The following CCDC186 variants were observed in gnomAD, a reference collection of about 807,000 sequenced individuals.
The protein encoded by CCDC186 is coiled-coil domain containing 186.
Under a neutral mutation model 113.7 loss-of-function variants are expected in CCDC186, and 49 were observed. That is an observed-to-expected ratio of 0.43 (90% CI 0.34 to 0.55). The LOEUF (loss-of-function observed/expected upper bound fraction) is 0.55, where lower values mean the gene tolerates loss of function less well. CCDC186 is among the 20% of genes least tolerant of loss of function. The pLI, the probability that CCDC186 is intolerant of heterozygous loss-of-function variation, is 0.02. For synonymous variants in CCDC186, 355 were observed against 345.8 expected (o/e 1.03, Z -0.30); for missense variants, 890 against 1,011.1 (o/e 0.88, Z 1.62).
chr10:114,123,740 C>CT lies in CCDC186; in HGVS notation c.*1402dup, dbSNP rs2030800815. ...CAGAAATATTGATACTACGGCAACA[C>CT]TTAAGTGTCTATCTTAAACACTGTA... is the stretch of plus-strand genomic sequence containing the variant. On this transcript the variant is annotated 3_prime_UTR_variant, in exon 16 of 16. Transcript: ENST00000369287. 6.6e-6 allele frequency: 1 copy of CT among 152,184 alleles called. No homozygotes were observed. The highest frequency in any genetic ancestry group is 2.4e-5 in the African/African-American group (1 of 41,442). The allele number at this position is 152,184 out of a possible 1,614,324, so 9.4% of individuals were successfully genotyped here.
At chr10:114,152,252 A>G (rs2031878206) in intron 3 of CCDC186, among the ~76,000 whole-genome samples, 1 of 151,960 alleles carries the variant, frequency 6.6e-6, no homozygotes, top group Non-Finnish European at 1.5e-5. Flanking sequence ...TGAGGCAGGA[A>G]GATTGCTAGA....
intron 6 of CCDC186, among the ~76,000 whole-genome samples, chr10:114,141,307 T>C (rs966725189): frequency 6.6e-5 from 10 of 152,222 alleles, no homozygotes; most frequent in Admixed American, 2.0e-4. Context: ...TTTATGCTTT[T>C]AGGTGCCAGA....
intron 6 of CCDC186, among the ~76,000 whole-genome samples, chr10:114,141,639 ACACACGCACGCACACACATACACG>A (rs1564909673): frequency 1.3e-5 from 2 of 152,016 alleles, no homozygotes; most frequent in Non-Finnish European, 2.9e-5. Flanking sequence ...ACACACACAC[ACACACGCACGCACACACATACACG>A]CACGCACGCA....
At chr10:114,136,524 A>C (rs2031267577) in intron 7 of CCDC186, among the ~76,000 whole-genome samples, 1 of 152,226 alleles carries the variant, frequency 6.6e-6, no homozygotes, top group Non-Finnish European at 1.5e-5. Flanking sequence ...AATGGGTTAA[A>C]GTTTTATACT....
intron 6 of CCDC186, among the ~76,000 whole-genome samples, chr10:114,141,714 A>C (rs1347669980): frequency 6.6e-6 from 1 of 151,852 alleles, no homozygotes; most frequent in African/African-American, 2.4e-5. Context: ...CTTGAAGGGA[A>C]CTCACTGCAC....
intron 9 of CCDC186, 45 bp from the exon 10 acceptor site, chr10:114,135,100 C>G (rs574585221): frequency 3.5e-5 from 54 of 1,541,082 alleles, no homozygotes; most frequent in Non-Finnish European, 4.6e-5. Context: ...TATTCTTGTT[C>G]TTTATAAACT....
rs1396178511 is a variant in CCDC186 at position 114,144,604 on chromosome 10, T to A, written c.1114A>T (p.Thr372Ser). 2 of 1,608,712 alleles carry A rather than the reference T, an allele frequency of 1.2e-6. No individual in the cohort carries two copies. The highest frequency in any genetic ancestry group is 1.7e-6 in the Non-Finnish European group (2 of 1,176,974). ...TTGTCTATTTCTCTGATGAGTCTAG[T>A]CGTTTCGCCTTCCTAAAATAATATC... ...QLYETKEGET[T>S]RLIREIDKLK... is the part of the protein sequence containing the mutation. The change falls in exon 6 of 16, where the codon ACT becomes TCT. Residue 372 changes from threonine to serine, a missense_variant. Transcript: ENST00000369287.
intron 10 of CCDC186, among the ~76,000 whole-genome samples, chr10:114,134,030 T>C (rs1338895678): frequency 2.0e-5 from 3 of 152,186 alleles, no homozygotes; most frequent in African/African-American, 4.8e-5. Flanking sequence ...ATGAAATCCA[T>C]AGCGGAAGTA....
chr10:114,121,990 T>G lies in CCDC186; in HGVS notation c.*3153A>C, dbSNP rs1166018552. ...CTGCATCTGGCTAATTTTTTAATCT[T>G]TTGTACACATGGGGTTTTGCCATGT... is the stretch of plus-strand genomic sequence containing the variant. On this transcript the variant is annotated 3_prime_UTR_variant, in exon 16 of 16. Transcript: ENST00000369287. 1 of 152,262 alleles carries G rather than the reference T, an allele frequency of 6.6e-6. No homozygotes were observed. Among genetic ancestry groups the G allele is most frequent in the East Asian group, 1.9e-4 (1 of 5,200 alleles). 9.4% of individuals were successfully genotyped at this position (152,262 alleles called of 1,614,324 possible).
intron 3 of CCDC186, 77 bp from the exon 4 acceptor site, chr10:114,151,297 A>G (rs956202508): frequency 2.6e-5 from 28 of 1,067,214 alleles, no homozygotes; most frequent in Non-Finnish European, 3.4e-5. Context: ...AAATATAAAC[A>G]AAGTAAATAA....
intron 6 of CCDC186, among the ~76,000 whole-genome samples, chr10:114,142,871 T>C (rs1174019761): frequency 6.6e-6 from 1 of 152,202 alleles, no homozygotes; most frequent in Non-Finnish European, 1.5e-5. Context: ...TAGACTATAA[T>C]AACCACATGA....
At position 114,162,622 on chromosome 10, in the gene CCDC186, G is replaced by A. The variant is rs1460530251; in HGVS notation, c.632+15C>T. ...GTGAGGGAAAAAAAATAACCTAAAGGTATAAAAAACTTACTTTTTTATGAT... is the reference window on the plus strand; with the variant it reads ...GTGAGGGAAAAAAAATAACCTAAAGATATAAAAAACTTACTTTTTTATGAT... On this transcript the variant is annotated intron_variant, in intron 2 of 15. Coordinates refer to ENST00000369287, the MANE Select transcript of CCDC186 (RefSeq NM_018017.4). The A allele has an allele frequency of 4.6e-6, 7 of 1,516,136 alleles. No homozygotes were observed. The East Asian group carries it at 1.1e-4, about 25-fold the overall frequency. The allele number at this position is 1,516,136 out of a possible 1,614,324, so 93.9% of individuals were successfully genotyped here. A position where few individuals can be genotyped will look rare whatever the true frequency, so the allele number is the denominator to read the frequency against.
intron 13 of CCDC186, among the ~76,000 whole-genome samples, chr10:114,128,757 A>G (rs902968704): frequency 1.4e-4 from 22 of 152,340 alleles, no homozygotes; most frequent in African/African-American, 5.3e-4. Context: ...TCATAATTTT[A>G]TAGACTCTAC....
intron 1 of CCDC186, among the ~76,000 whole-genome samples, chr10:114,173,756 C>CCCTCTTTGCCA (rs2032600912): frequency 6.6e-6 from 1 of 152,344 alleles, no homozygotes; most frequent in East Asian, 1.9e-4. Context: ...CCCCGCTGAC[C>CCCTCTTTGCCA]CCTCTTTGCC....
Position 114,137,203 on chromosome 10 carries a change from T to C in CCDC186, c.1309A>G (p.Met437Val), listed in dbSNP as rs1353447049. ...ATGCATACCTGATATGTTTTTATCATATCCTGACAGTTTTTTCGTATCTGA... is the reference window on the plus strand; with the variant it reads ...ATGCATACCTGATATGTTTTTATCACATCCTGACAGTTTTTTCGTATCTGA... ...ADQIRKNCQD[M>V]IKTYQESEEI... Residue 437 changes from methionine to valine, a missense_variant, in exon 7 of 16, where the codon ATG (methionine) becomes GTG (valine). Transcript: ENST00000369287. 8 of 1,612,022 alleles carry C rather than the reference T, an allele frequency of 5.0e-6. No individual in the cohort carries two copies. The East Asian group carries it at 6.7e-5, about 13-fold the overall frequency.
At chr10:114,145,494 C>T in intron 5 of CCDC186, 55 bp downstream of exon 5, 1 of 1,391,384 alleles carries the variant, frequency 7.2e-7, no homozygotes, top group Non-Finnish European at 9.7e-7. Flanking sequence ...TATGGAAAAG[C>T]AAAGAGAACA....
chr10:114,137,086 C>A, intron 7 of CCDC186, 100 bp downstream of exon 7: 1 of 835,752 alleles, frequency 1.2e-6, no homozygotes. Context: ...CATTGAACTC[C>A]AGCCCGGGCG....
At chr10:114,173,251 C>T in intron 1 of CCDC186, 1 of 454,584 alleles carries the variant, frequency 2.2e-6, no homozygotes, top group South Asian at 1.6e-5. Context: ...GACTCGAAAT[C>T]CAGGACTTTT....
At chr10:114,134,227 G>T (rs1454390288) in intron 10 of CCDC186, among the ~76,000 whole-genome samples, 1 of 152,202 alleles carries the variant, frequency 6.6e-6, no homozygotes, top group Admixed American at 6.5e-5. Context: ...AGAGTAAATA[G>T]AAAGGTAAGA....
Sources: allele counts gnomAD v4.1 joint callset (sites outside exome capture counted in the v4.1 genomes callset), GRCh38; gene constraint gnomAD v4.1.1; transcripts MANE v1.5; gene names NCBI Gene and HGNC (gene_info 2026-07-23, HGNC 2026-07-21).